Variants in CIDEA observed in about 807,000 individuals in gnomAD.
CIDEA encodes cell death inducing DFFA like effector a.
In CIDEA, 10 loss-of-function variants were observed where a neutral mutation model predicts 18.2. The ratio of observed to expected loss-of-function variants is 0.55; its 90% CI spans 0.34 to 0.93. The LOEUF is 0.93. Ranked by LOEUF, CIDEA falls within the 40% of genes least tolerant of loss-of-function variation. The pLI is 0.02. For missense variants in CIDEA, 309 were observed against 293.1 expected, an observed-to-expected ratio of 1.05 and a Z score of -0.40; for synonymous variants, 128 against 124.8, an observed-to-expected ratio of 1.03 and a Z score of -0.17.
chr18:12,256,073 T>G (rs1477320026), intron 1 of CIDEA, among the ~76,000 whole-genome samples: 1 of 152,362 alleles, frequency 6.6e-6, no homozygotes, highest in East Asian at 1.9e-4. Context: ...CTGTGAAATC[T>G]ACCTGCTCCC....
At chr18:12,259,166 G>A (rs972027119) in intron 1 of CIDEA, among the ~76,000 whole-genome samples, 1 of 152,164 alleles carries the variant, frequency 6.6e-6, no homozygotes, top group African/African-American at 2.4e-5. Flanking sequence ...AAACGTGTGC[G>A]GGTCATTCTG....
chr18:12,275,819 C>T (rs914259971), intron 4 of CIDEA, among the ~76,000 whole-genome samples: 12 of 148,640 alleles, frequency 8.1e-5, no homozygotes, highest in Admixed American at 7.6e-4. Flanking sequence ...TCTTGACTCC[C>T]AGGAGAGCTT....
At chr18:12,276,009 T>C (rs1905321089) in intron 4 of CIDEA, among the ~76,000 whole-genome samples, 1 of 148,780 alleles carries the variant, frequency 6.7e-6, no homozygotes, top group Non-Finnish European at 1.5e-5. Context: ...TTTTTTCTTT[T>C]TTGAGACGGA....
rs113330636 is a variant in CIDEA at position 12,277,527 on chromosome 18, G to A, written c.*257G>A. 6.9e-5 allele frequency: 32 copies of A among 463,226 alleles called. No homozygotes were observed. Among genetic ancestry groups the A allele is most frequent in the African/African-American group, 9.7e-5 (5 of 51,308 alleles). 28.7% of individuals were successfully genotyped at this position (463,226 alleles called of 1,614,324 possible). Reference sequence around the variant, plus strand: ...GCACGCAGCAGGCGTGCCCAGGAGCGTGTGCATGTGTCAGAGCCATTTGGT... The same window carrying A: ...GCACGCAGCAGGCGTGCCCAGGAGCATGTGCATGTGTCAGAGCCATTTGGT... On this transcript the variant is annotated 3_prime_UTR_variant, in exon 5 of 5. Coordinates refer to ENST00000320477, the MANE Select transcript of CIDEA (RefSeq NM_001279.4).
intron 1 of CIDEA, chr18:12,254,993 C>T (rs941507691): frequency 1.1e-5 from 13 of 1,175,814 alleles, no homozygotes; most frequent in Non-Finnish European, 1.4e-5. Context: ...TCCTTGCCTC[C>T]GGGTCCAAGG....
Position 12,274,134 on chromosome 18 carries a change from G to T in CIDEA, c.372G>T (p.Ser124=), listed in dbSNP as rs753380538. The T allele has an allele frequency of 6.2e-7, 1 of 1,614,214 alleles. No homozygotes were observed. Among genetic ancestry groups the T allele is most frequent in the East Asian group, 2.2e-5 (1 of 44,888 alleles). The change falls in exon 4 of 5, where the codon TCG becomes TCT. Residue 124 remains serine, a synonymous_variant. Transcript: ENST00000320477. ...HVPTCSPPKR[S]GIARVTFDLY... ...CCACTTGCTCGCCGCCGAAGAGGTC[G>T]GGAATAGCGAGAGTCACCTTCGACT...
At chr18:12,270,894 C>CT (rs771335202) in intron 3 of CIDEA, among the ~76,000 whole-genome samples, 17,272 of 60,278 alleles carry the variant, frequency 0.29, 2,348 homozygotes, top group East Asian at 0.46. Context: ...TTTTTCTTTT[C>CT]TTTTTTTTTT....
At position 12,261,464 on chromosome 18, in the gene CIDEA, T is replaced by G. The variant is rs150693688; in HGVS notation, c.39-1361T>G. On this transcript the variant is annotated intron_variant, in intron 1 of 4. Coordinates refer to ENST00000320477, the MANE Select transcript of CIDEA (RefSeq NM_001279.4). ...TCTAGTGACAGCAGCAGGGTAACTGTGTCTCCCCTCTTGGAGTTATTTTTA... is the reference window on the plus strand; with the variant it reads ...TCTAGTGACAGCAGCAGGGTAACTGGGTCTCCCCTCTTGGAGTTATTTTTA... 4.7e-3 allele frequency among the ~76,000 whole-genome samples: 717 copies of G among 152,338 alleles called. 7 individuals carry two copies. Among genetic ancestry groups the G allele is most frequent in the African/African-American group, 0.016 (684 of 41,588 alleles).
intron 1 of CIDEA, among the ~76,000 whole-genome samples, chr18:12,256,820 G>A (rs779377966): frequency 2.6e-5 from 4 of 152,178 alleles, no homozygotes; most frequent in Non-Finnish European, 2.9e-5. Flanking sequence ...TTATTTTAAC[G>A]AAACTGCAAA....
chr18:12,271,705 G>C (rs915117959), intron 3 of CIDEA, among the ~76,000 whole-genome samples: 3 of 152,110 alleles, frequency 2.0e-5, no homozygotes, highest in African/African-American at 7.2e-5. Context: ...ACGCGCTCCA[G>C]GGGGCTCGCG....
At chr18:12,261,396 G>A (rs975531062) in intron 1 of CIDEA, among the ~76,000 whole-genome samples, 6 of 152,076 alleles carry the variant, frequency 3.9e-5, no homozygotes, top group South Asian at 2.1e-4. Context: ...AAAAGTCTGC[G>A]GTCCTGGGTG....
Position 12,277,463 on chromosome 18 carries a change from G to C in CIDEA, c.*193G>C, listed in dbSNP as rs182617945. Reference sequence around the variant, plus strand: ...GGGGGCAGTGGGCAGGGTGCCCTGGGGGGGAGGCATAGAGGGCCCTGGGGG... The same window carrying C: ...GGGGGCAGTGGGCAGGGTGCCCTGGCGGGGAGGCATAGAGGGCCCTGGGGG... On this transcript the variant is annotated 3_prime_UTR_variant, in exon 5 of 5. Transcript: ENST00000320477. The C allele has an allele frequency of 6.2e-6, 4 of 640,716 alleles. No homozygotes were observed. The highest frequency in any genetic ancestry group is 5.9e-5 in the Admixed American group (2 of 33,824). The allele number at this position is 640,716 out of a possible 1,614,324, so 39.7% of individuals were successfully genotyped here. A position where few individuals can be genotyped will look rare whatever the true frequency, so the allele number is the denominator to read the frequency against.
intron 3 of CIDEA, among the ~76,000 whole-genome samples, chr18:12,264,705 C>T (rs1404670700): frequency 2.0e-5 from 3 of 152,182 alleles, no homozygotes; most frequent in Admixed American, 6.5e-5. Context: ...AGGCACCCGC[C>T]ACCACGCCTG....
In CIDEA at chr18:12,264,465, C is replaced by G. The variant is rs774763070; in HGVS notation, c.330+12C>G. 26 of 1,610,266 alleles carry G rather than the reference C, an allele frequency of 1.6e-5. 1 individual carries two copies. The South Asian group carries it at 2.9e-4, about 18-fold the overall frequency. On this transcript the variant is annotated intron_variant, in intron 3 of 4. Transcript: ENST00000320477. ...AGAAGTGGATGCCGGTAAGCAAAAACACTGTCACCCAAACAGCTACTGGGT... is the reference window on the plus strand; with the variant it reads ...AGAAGTGGATGCCGGTAAGCAAAAAGACTGTCACCCAAACAGCTACTGGGT...
chr18:12,254,751 G>A (rs1192433416), intron 1 of CIDEA: 1 of 1,419,010 alleles, frequency 7.0e-7, no homozygotes, highest in Non-Finnish European at 9.4e-7. Context: ...TGCATCTCTG[G>A]CCGCTGCTGC....
chr18:12,256,308 G>A (rs1442119049), intron 1 of CIDEA, among the ~76,000 whole-genome samples: 3 of 152,196 alleles, frequency 2.0e-5, no homozygotes, highest in Non-Finnish European at 2.9e-5. Flanking sequence ...CCAGGTCCAG[G>A]ATGTCATAAT....
rs1205103028 is a variant in CIDEA, at chr18:12,255,384, A to G, written c.38+963A>G. On this transcript the variant is annotated intron_variant, in intron 1 of 4. Transcript: ENST00000320477. ...GTCCGGCTACGAAACGCAATCTATG[A>G]GCTTCCAATCCCGGGTTCTTAAATG... Among the ~76,000 whole-genome samples, 7 of 152,152 alleles carry G rather than the reference A, an allele frequency of 4.6e-5. 1 individual carries two copies. Among genetic ancestry groups the G allele is most frequent in the Non-Finnish European group, 8.8e-5 (6 of 68,034 alleles).
At chr18:12,272,153 G>T (rs191079701) in intron 3 of CIDEA, among the ~76,000 whole-genome samples, 17 of 17,552 alleles carry the variant, frequency 9.7e-4, no homozygotes, top group East Asian at 3.3e-3. Flanking sequence ...TGTGTGTGGG[G>T]GGGGGGGGTT....
chr18:12,273,655 C>A lies in CIDEA; in HGVS notation c.331-438C>A, dbSNP rs547874275. Among the ~76,000 whole-genome samples, 5 of 152,306 alleles carry A rather than the reference C, an allele frequency of 3.3e-5. No homozygotes were observed. The South Asian group carries it at 8.3e-4, about 25-fold the overall frequency. On this transcript the variant is annotated intron_variant, in intron 3 of 4. Transcript: ENST00000320477. Reference sequence around the variant, plus strand: ...AGCCATATGATTCTGGTACTTTCCACCCAGTAGCCCCCATAAAATTGAACC... The same window carrying A: ...AGCCATATGATTCTGGTACTTTCCAACCAGTAGCCCCCATAAAATTGAACC...
Sources: gnomAD v4.1 joint callset for allele counts (sites outside exome capture counted in the v4.1 genomes callset) on GRCh38, gnomAD v4.1.1 for gene constraint, MANE v1.5 for transcripts, NCBI Gene and HGNC (gene_info 2026-07-23, HGNC 2026-07-21) for gene names.